Variants in APBA2 observed in about 807,000 individuals in gnomAD.
APBA2 encodes the protein amyloid beta precursor protein binding family A member 2, also known as amyloid-beta A4 precursor protein-binding family A member 2.
Under a neutral mutation model 75.0 loss-of-function variants are expected in APBA2, and 30 were observed. The observed-to-expected ratio is 0.40, with a 90% CI of 0.30 to 0.54. The LOEUF (loss-of-function observed/expected upper bound fraction) is 0.54, where lower values mean the gene tolerates loss of function less well. APBA2 is among the 20% of genes least tolerant of loss of function. The probability of loss-of-function intolerance (pLI) is 0.49; values close to 1 mark genes in which losing one functional copy is unlikely to be tolerated. For missense variants in APBA2, 801 were observed against 1,016.1 expected, an observed-to-expected ratio of 0.79 and a Z score of 2.88; for synonymous variants, 444 against 409.6, an observed-to-expected ratio of 1.08 and a Z score of -1.01.
At chr15:29,075,108 C>T (rs2042793232) in intron 5 of APBA2, 107 bp downstream of exon 5, 1 of 896,542 alleles carries the variant, frequency 1.1e-6, no homozygotes, top group Non-Finnish European at 1.8e-6. Flanking sequence ...TCTCATCCCA[C>T]CCGGTGCCTG....
At chr15:29,100,719 AAGGCC>A (rs2044077830) in intron 9 of APBA2, among the ~76,000 whole-genome samples, 3 of 152,192 alleles carry the variant, frequency 2.0e-5, no homozygotes, top group Admixed American at 6.5e-5. Flanking sequence ...GCACAGCAGG[AAGGCC>A]AGGCCAGGCC....
At chr15:29,022,655 T>C (rs925240863) in intron 3 of APBA2, among the ~76,000 whole-genome samples, 10 of 152,204 alleles carry the variant, frequency 6.6e-5, no homozygotes, top group African/African-American at 2.4e-4. Context: ...TCTATTTGTA[T>C]ACTCTCGTGG....
chr15:29,115,563 G>C (rs1191089166), intron 14 of APBA2, among the ~76,000 whole-genome samples: 1 of 152,166 alleles, frequency 6.6e-6, no homozygotes, highest in Non-Finnish European at 1.5e-5. Flanking sequence ...GCGGGAGAAC[G>C]GGGAAGAGGC....
Position 29,117,456 on chromosome 15 carries a change from C to T in APBA2, c.*323C>T. On this transcript the variant is annotated 3_prime_UTR_variant, in exon 15 of 15. Coordinates refer to ENST00000683413, the MANE Select transcript of APBA2 (RefSeq NM_001353788.2). ...TGGTGTGGAGTGTGTGTCTTTCCTC[C>T]CTGAAGCTGTGCGGAGCGAACTGGC... 2 of 422,088 alleles carry T rather than the reference C, an allele frequency of 4.7e-6. No homozygotes were observed. Among genetic ancestry groups the T allele is most frequent in the Admixed American group, 7.5e-5 (2 of 26,586 alleles). The allele number at this position is 422,088 out of a possible 1,614,324, so 26.1% of individuals were successfully genotyped here.
chr15:29,045,080 T>C (rs999747893), intron 3 of APBA2, among the ~76,000 whole-genome samples: 4 of 117,512 alleles, frequency 3.4e-5, no homozygotes, highest in Non-Finnish European at 6.1e-5. Context: ...TCTCTCTCTC[T>C]CTCTCTCTCT....
At chr15:29,028,087 A>G (rs1004497235) in intron 3 of APBA2, among the ~76,000 whole-genome samples, 12 of 151,684 alleles carry the variant, frequency 7.9e-5, no homozygotes, top group African/African-American at 2.7e-4. Context: ...TGCTGCACCT[A>G]TCAACCCATC....
chr15:29,038,574 C>T lies in APBA2; in HGVS notation c.-40-15271C>T, dbSNP rs149710335. ...AGATAGTACTGAAGCATTAGGTGAA[C>T]GGTGGGGACAGAAGCCCAGACTCTG... is the stretch of plus-strand genomic sequence containing the variant. On this transcript the variant is annotated intron_variant, in intron 3 of 14. Coordinates refer to ENST00000683413, the MANE Select transcript of APBA2 (RefSeq NM_001353788.2). Among the ~76,000 whole-genome samples, 40 of 151,588 alleles carry T rather than the reference C, an allele frequency of 2.6e-4. No individual in the cohort carries two copies. In the South Asian group the frequency reaches 3.3e-3, roughly 13 times the overall value.
chr15:28,900,709 G>C (rs2032798821), intron 1 of APBA2, among the ~76,000 whole-genome samples: 1 of 152,174 alleles, frequency 6.6e-6, no homozygotes, highest in Non-Finnish European at 1.5e-5. Flanking sequence ...GCCCCTGTGT[G>C]TCCTGTTTCC....
In APBA2 at chr15:29,117,472, G is replaced by T; in HGVS notation, c.*339G>T. 1 of 356,272 alleles carries T rather than the reference G, an allele frequency of 2.8e-6. No homozygotes were observed. Among genetic ancestry groups the T allele is most frequent in the South Asian group, 2.9e-5 (1 of 34,568 alleles). The allele number at this position is 356,272 out of a possible 1,614,324, so 22.1% of individuals were successfully genotyped here. ...TCTTTCCTCCCTGAAGCTGTGCGGAGCGAACTGGCGCCTCCGAGGGACGCG... is the reference window on the plus strand; with the variant it reads ...TCTTTCCTCCCTGAAGCTGTGCGGATCGAACTGGCGCCTCCGAGGGACGCG... On this transcript the variant is annotated 3_prime_UTR_variant, in exon 15 of 15. Transcript: ENST00000683413.
intron 1 of APBA2, among the ~76,000 whole-genome samples, chr15:28,904,821 G>A (rs961451275): frequency 3.9e-5 from 6 of 152,304 alleles, no homozygotes; most frequent in South Asian, 4.2e-4. Flanking sequence ...GGGGAAGCCC[G>A]TGGAGAATTT....
In APBA2 at chr15:29,094,331, G is replaced by T. The variant is rs752902241; in HGVS notation, c.1251+18G>T. Reference sequence around the variant, plus strand: ...AAAAAGCGGTGTGTAGGGCCTTGAGGCCCTGGGACAGTGTTGTTTGCTTGT... The same window carrying T: ...AAAAAGCGGTGTGTAGGGCCTTGAGTCCCTGGGACAGTGTTGTTTGCTTGT... On this transcript the variant is annotated intron_variant, in intron 8 of 14. Transcript: ENST00000683413. The T allele has an allele frequency of 6.2e-7, 1 of 1,613,566 alleles. No individual in the cohort carries two copies. The highest frequency in any genetic ancestry group is 8.5e-7 in the Non-Finnish European group (1 of 1,179,440).
Position 29,053,870 on chromosome 15 carries a change from G to C in APBA2, c.-15G>C. ...TGGCTGCCTCCGGGTGATGATGGCT[G>C]TGTGAACGACTGCCATGGCCCACCG... On this transcript the variant is annotated 5_prime_UTR_variant, in exon 4 of 15. Transcript: ENST00000683413. The C allele has an allele frequency of 1.2e-6, 2 of 1,607,642 alleles. No individual in the cohort carries two copies. The highest frequency in any genetic ancestry group is 1.7e-6 in the Non-Finnish European group (2 of 1,175,348).
intron 2 of APBA2, among the ~76,000 whole-genome samples, chr15:28,922,395 C>G (rs2034018086): frequency 1.3e-5 from 2 of 152,332 alleles, no homozygotes; most frequent in Middle Eastern, 6.8e-3. Context: ...AGTTAGTCCC[C>G]ACAAGGCGAT....
chr15:28,901,322 T>C (rs1448386951), intron 1 of APBA2, among the ~76,000 whole-genome samples: 1 of 152,088 alleles, frequency 6.6e-6, no homozygotes, highest in Non-Finnish European at 1.5e-5. Flanking sequence ...GGTTTGGGGT[T>C]GTCTGAGCCC....
intron 6 of APBA2, among the ~76,000 whole-genome samples, chr15:29,083,685 C>T (rs1023406577): frequency 2.6e-5 from 4 of 152,070 alleles, no homozygotes; most frequent in Admixed American, 1.3e-4. Context: ...GGTGCACCAC[C>T]ATGGCCGGCT....
chr15:29,113,352 G>T (rs28680725), intron 13 of APBA2, among the ~76,000 whole-genome samples: 2 of 127,940 alleles, frequency 1.6e-5, no homozygotes, highest in South Asian at 2.9e-4. Context: ...GTCACTTGGC[G>T]GGGGGGGGAT....
At chr15:29,039,908 G>A (rs1157020521) in intron 3 of APBA2, among the ~76,000 whole-genome samples, 1 of 152,194 alleles carries the variant, frequency 6.6e-6, no homozygotes, top group Non-Finnish European at 1.5e-5. Flanking sequence ...CGGGAAGGGG[G>A]TTGGAGCTTG....
In APBA2 at chr15:29,056,636, CCTCTCTCT is replaced by C. The variant is rs147310000; in HGVS notation, c.951+1822_951+1829del. The stretch of plus-strand genomic sequence containing the variant: ...TCCTTCTCTCCCTCCCTCCCTCCCT[CCTCTCTCT>C]CTCTCTCTCTCTCTCTCTCTTTCTT... On this transcript the variant is annotated intron_variant, in intron 4 of 14. Transcript: ENST00000683413. Among the ~76,000 whole-genome samples, 640 of 96,278 alleles carry C rather than the reference CCTCTCTCT, an allele frequency of 6.6e-3. 12 individuals carry two copies. Among genetic ancestry groups the C allele is most frequent in the African/African-American group, 0.031 (614 of 19,716 alleles). The allele number at this position is 96,278 out of a possible 152,430, so 63.2% of individuals were successfully genotyped here. A position where few individuals can be genotyped will look rare whatever the true frequency, so the allele number is the denominator to read the frequency against.
intron 3 of APBA2, among the ~76,000 whole-genome samples, chr15:29,049,391 T>A (rs966717744): frequency 1.3e-5 from 2 of 152,190 alleles, no homozygotes; most frequent in Non-Finnish European, 2.9e-5. Context: ...AGTGACTGGA[T>A]TTGCTTGCTC....
Sources: gnomAD v4.1 joint callset for allele counts (sites outside exome capture counted in the v4.1 genomes callset) on GRCh38, gnomAD v4.1.1 for gene constraint, MANE v1.5 for transcripts, NCBI Gene and HGNC (gene_info 2026-07-23, HGNC 2026-07-21) for gene names.